The following OSBP2 variants were observed in gnomAD, a reference collection of about 807,000 sequenced individuals.
OSBP2 encodes the protein oxysterol-binding protein 2.
OSBP2 carries 66 observed loss-of-function variants against 96.0 expected under a neutral mutation model. That is an observed-to-expected ratio of 0.69 (90% CI 0.56 to 0.84). The LOEUF is 0.84. OSBP2 is among the 40% of genes least tolerant of loss of function. The probability of loss-of-function intolerance (pLI) is 0.00; values close to 1 mark genes in which losing one functional copy is unlikely to be tolerated. For synonymous variants in OSBP2, 525 were observed against 520.9 expected (o/e 1.01, Z -0.11); for missense variants, 1,038 against 1,222.7 (o/e 0.85, Z 2.25).
intron 2 of OSBP2, among the ~76,000 whole-genome samples, chr22:30,789,016 CAATT>C (rs1251967652): frequency 6.6e-6 from 1 of 152,006 alleles, no homozygotes; most frequent in Non-Finnish European, 1.5e-5. Context: ...CCTGGCCAAA[CAATT>C]TATTTTTAAT....
At chr22:30,780,591 G>A (rs866966120) in intron 2 of OSBP2, among the ~76,000 whole-genome samples, 1 of 152,150 alleles carries the variant, frequency 6.6e-6, no homozygotes, top group Non-Finnish European at 1.5e-5. Flanking sequence ...TCCACCTCCC[G>A]GGTTCAAGCA....
At chr22:30,808,227 A>G (rs1310956250) in intron 2 of OSBP2, among the ~76,000 whole-genome samples, 3 of 150,414 alleles carry the variant, frequency 2.0e-5, no homozygotes, top group Non-Finnish European at 4.4e-5. Context: ...TAGGCCGGGC[A>G]TGGTAGCTCA....
At chr22:30,707,951 A>G (rs1430903142) in intron 1 of OSBP2, among the ~76,000 whole-genome samples, 2 of 150,896 alleles carry the variant, frequency 1.3e-5, no homozygotes, top group African/African-American at 4.9e-5. Context: ...GCAGTGGTGC[A>G]GTCTTGGCTC....
At chr22:30,848,307 A>T (rs1378829388) in intron 2 of OSBP2, among the ~76,000 whole-genome samples, 2 of 152,338 alleles carry the variant, frequency 1.3e-5, no homozygotes, top group Non-Finnish European at 2.9e-5. Context: ...CCTAAAAGCT[A>T]TTGCAAACAG....
At chr22:30,724,899 C>T (rs1044528989) in intron 1 of OSBP2, among the ~76,000 whole-genome samples, 1 of 152,060 alleles carries the variant, frequency 6.6e-6, no homozygotes, top group African/African-American at 2.4e-5. Context: ...ATAAGCCGGG[C>T]GCAGTGGCTC....
At chr22:30,811,935 C>G (rs1194556718) in intron 2 of OSBP2, among the ~76,000 whole-genome samples, 1 of 151,654 alleles carries the variant, frequency 6.6e-6, no homozygotes, top group Non-Finnish European at 1.5e-5. Flanking sequence ...TAGCTCACTG[C>G]AGTCTTGACC....
At chr22:30,781,605 GC>G (rs2145808737) in intron 2 of OSBP2, among the ~76,000 whole-genome samples, 2 of 152,268 alleles carry the variant, frequency 1.3e-5, no homozygotes, top group Admixed American at 1.3e-4. Context: ...GTGAATGGTG[GC>G]CCTGAGTGGA....
At chr22:30,886,327 C>T (rs1289424894) in intron 3 of OSBP2, among the ~76,000 whole-genome samples, 1 of 152,170 alleles carries the variant, frequency 6.6e-6, no homozygotes, top group East Asian at 1.9e-4. Flanking sequence ...GTTGAGTTGT[C>T]TAAAGACCTG....
chr22:30,716,942 G>A (rs1402051159), intron 1 of OSBP2, among the ~76,000 whole-genome samples: 3 of 152,026 alleles, frequency 2.0e-5, no homozygotes, highest in Non-Finnish European at 4.4e-5. Flanking sequence ...GTCTGTTTTT[G>A]CTTTTGTTGC....
chr22:30,790,293 C>G (rs1203431171), intron 2 of OSBP2, among the ~76,000 whole-genome samples: 1 of 151,326 alleles, frequency 6.6e-6, no homozygotes, highest in African/African-American at 2.4e-5. Flanking sequence ...TGTGGACCCA[C>G]TTTTTAAGGA....
Position 30,695,399 on chromosome 22 carries a change from G to A in OSBP2, c.490G>A (p.Val164Ile), listed in dbSNP as rs2089009444. ...AGGACAGGCGAAGACTCCTCTTGGG[G>A]TTCCAATGTCGGGGACTGGCACGAC... Reference protein sequence around the residue: ...RPGQAKTPLGVPMSGTGTTSS... With the variant: ...RPGQAKTPLGIPMSGTGTTSS... Residue 164 changes from valine to isoleucine, a missense_variant, in exon 1 of 14, where the codon GTT (valine) becomes ATT (isoleucine). By Grantham distance (29) the Val-to-Ile change is conservative. Around this residue, in one of 3 missense-constraint regions of OSBP2, gnomAD observed 281 missense variants for 273.4 expected, o/e 1.03. Coordinates refer to ENST00000332585, the MANE Select transcript of OSBP2 (RefSeq NM_030758.4). The A allele has an allele frequency of 6.2e-7, 1 of 1,613,784 alleles. No individual in the cohort carries two copies. Among genetic ancestry groups the A allele is most frequent in the African/African-American group, 1.3e-5 (1 of 74,956 alleles).
At chr22:30,720,969 A>T (rs138153739) in intron 1 of OSBP2, among the ~76,000 whole-genome samples, 1 of 152,138 alleles carries the variant, frequency 6.6e-6, no homozygotes, top group Non-Finnish European at 1.5e-5. Flanking sequence ...TCACGCCTGT[A>T]ATCCCAACAC....
At chr22:30,858,032 G>A (rs2039114273) in intron 2 of OSBP2, among the ~76,000 whole-genome samples, 1 of 152,146 alleles carries the variant, frequency 6.6e-6, no homozygotes, top group African/African-American at 2.4e-5. Flanking sequence ...GGAAAGAGAG[G>A]ATCTTTGCAG....
chr22:30,889,831 T>G (rs1451289133), intron 7 of OSBP2, among the ~76,000 whole-genome samples, 195 bp downstream of exon 7: 3 of 152,196 alleles, frequency 2.0e-5, no homozygotes, highest in Admixed American at 1.3e-4. Flanking sequence ...CAGGGATCTT[T>G]GGGCTCTGAC....
At chr22:30,887,280 T>C in intron 3 of OSBP2, 146 bp from the exon 4 acceptor site, 1 of 647,994 alleles carries the variant, frequency 1.5e-6, no homozygotes, top group Non-Finnish European at 2.7e-6. Context: ...TAGAATGCCT[T>C]AGCTGTCTGG....
intron 2 of OSBP2, among the ~76,000 whole-genome samples, chr22:30,813,171 C>CTTTTT (rs911860511): frequency 2.5e-5 from 2 of 78,588 alleles, no homozygotes; most frequent in African/African-American, 5.1e-5. Context: ...ATGTTGCATT[C>CTTTTT]TTTTTTTTTT....
intron 1 of OSBP2, among the ~76,000 whole-genome samples, chr22:30,738,916 C>CA (rs2089894966): frequency 6.6e-6 from 1 of 151,836 alleles, no homozygotes; most frequent in African/African-American, 2.4e-5. Context: ...ATAGAAGAAT[C>CA]AAAAAAATGA....
intron 2 of OSBP2, among the ~76,000 whole-genome samples, chr22:30,801,391 G>A (rs136269): frequency 0.19 from 28,994 of 152,092 alleles, 2,843 homozygotes; most frequent in Middle Eastern, 0.24. Context: ...GAAATCTGAA[G>A]GAACCCTTGC....
chr22:30,897,379 CA>C (rs2040088859), intron 12 of OSBP2, among the ~76,000 whole-genome samples: 2 of 152,302 alleles, frequency 1.3e-5, no homozygotes, highest in South Asian at 4.1e-4. Context: ...ATTACCGACT[CA>C]TGGATGCAAC....
Sources: allele counts gnomAD v4.1 joint callset (sites outside exome capture counted in the v4.1 genomes callset), GRCh38; gene constraint gnomAD v4.1.1; regional missense constraint gnomAD v4.1.1; transcripts MANE v1.5; gene names NCBI Gene and HGNC (gene_info 2026-07-23, HGNC 2026-07-21).